TCF12: variants seen among roughly 807,000 people sequenced by gnomAD.
TCF12 encodes the protein transcription factor 12, also known as DNA-binding protein HTF4.
Under a neutral mutation model 86.0 loss-of-function variants are expected in TCF12, and 45 were observed. The ratio of observed to expected loss-of-function variants is 0.52; its 90% CI spans 0.41 to 0.67. The LOEUF (loss-of-function observed/expected upper bound fraction) is 0.67, where lower values mean the gene tolerates loss of function less well. Ranked by LOEUF, TCF12 falls within the 30% of genes least tolerant of loss-of-function variation. TCF12 has a pLI of 0.00. For synonymous variants in TCF12, 330 were observed against 299.6 expected (o/e 1.10, Z -1.05); for missense variants, 881 against 859.9 (o/e 1.02, Z -0.31).
intron 3 of TCF12, among the ~76,000 whole-genome samples, chr15:57,045,381 G>A (rs946005042): frequency 6.6e-6 from 1 of 152,196 alleles, no homozygotes; most frequent in Non-Finnish European, 1.5e-5. Context: ...TAGGAAAAGA[G>A]TTGATTTGTG....
intron 5 of TCF12, among the ~76,000 whole-genome samples, chr15:57,114,105 T>TC (rs2151250194): frequency 6.6e-6 from 1 of 152,320 alleles, no homozygotes; most frequent in Non-Finnish European, 1.5e-5. Context: ...AACAACTAAT[T>TC]TTTTGTGATC....
intron 3 of TCF12, among the ~76,000 whole-genome samples, chr15:56,973,449 G>A (rs776762187): frequency 9.9e-5 from 15 of 152,058 alleles, no homozygotes; most frequent in Non-Finnish European, 2.2e-4. Flanking sequence ...AATAATAATA[G>A]TGATGGCTTA....
At chr15:56,984,772 T>C (rs1407553755) in intron 3 of TCF12, among the ~76,000 whole-genome samples, 8 of 152,066 alleles carry the variant, frequency 5.3e-5, no homozygotes, top group African/African-American at 1.7e-4. Flanking sequence ...GGTAAGCAGT[T>C]TAGGTAATGG....
At chr15:57,165,771 C>T (rs1437233769) in intron 5 of TCF12, among the ~76,000 whole-genome samples, 3 of 151,986 alleles carry the variant, frequency 2.0e-5, no homozygotes, top group Non-Finnish European at 2.9e-5. Flanking sequence ...CTCCTTACCT[C>T]GTGATCCGCC....
chr15:57,072,689 C>A, intron 4 of TCF12: 1 of 1,307,658 alleles, frequency 7.6e-7, no homozygotes, highest in Non-Finnish European at 1.0e-6. Flanking sequence ...AATAGCAAAG[C>A]AAGACAGAAG....
At chr15:57,021,356 G>A (rs974113150) in intron 3 of TCF12, among the ~76,000 whole-genome samples, 9 of 152,174 alleles carry the variant, frequency 5.9e-5, no homozygotes, top group African/African-American at 1.7e-4. Context: ...CTAGTGATGG[G>A]ACAGAAAACA....
chr15:56,994,976 T>C (rs757411061), intron 3 of TCF12, among the ~76,000 whole-genome samples: 6 of 152,114 alleles, frequency 3.9e-5, no homozygotes, highest in African/African-American at 9.6e-5. Flanking sequence ...GGAAAAGTTA[T>C]AACATTATCT....
chr15:57,156,482 T>A (rs140189192), intron 5 of TCF12, among the ~76,000 whole-genome samples: 1 of 152,372 alleles, frequency 6.6e-6, no homozygotes, highest in Non-Finnish European at 1.5e-5. Context: ...ACCAAATAGT[T>A]GATGAATGGT....
intron 3 of TCF12, among the ~76,000 whole-genome samples, chr15:56,951,108 T>C (rs546047677): frequency 1.3e-5 from 2 of 152,328 alleles, no homozygotes; most frequent in South Asian, 4.1e-4. Context: ...ATGGTAGATA[T>C]ATCTTCAACT....
chr15:57,128,714 T>G (rs2051868035), intron 5 of TCF12, among the ~76,000 whole-genome samples: 1 of 152,190 alleles, frequency 6.6e-6, no homozygotes, highest in Non-Finnish European at 1.5e-5. Flanking sequence ...ACCCATCTCC[T>G]AGCAACAGTT....
At chr15:57,258,693 A>G (rs906522602) in intron 16 of TCF12, among the ~76,000 whole-genome samples, 4 of 152,186 alleles carry the variant, frequency 2.6e-5, no homozygotes, top group Admixed American at 1.3e-4. Flanking sequence ...AAGAAGTGAC[A>G]TATTCTTGTA....
chr15:56,991,014 T>G (rs1014244809), intron 3 of TCF12, among the ~76,000 whole-genome samples: 1 of 152,070 alleles, frequency 6.6e-6, no homozygotes, highest in South Asian at 2.1e-4. Flanking sequence ...CAGGCTGCTG[T>G]CAAACTCCTG....
At chr15:56,918,491 G>T, upstream of TCF12, 1 of 317,022 alleles carries the variant, frequency 3.2e-6, no homozygotes, top group South Asian at 2.2e-5. Flanking sequence ...TCACCCGACC[G>T]CGGGCTTTGT....
At chr15:57,240,879 CAAAAAAAAAA>C (rs68154303) in intron 12 of TCF12, among the ~76,000 whole-genome samples, 9 of 65,684 alleles carry the variant, frequency 1.4e-4, no homozygotes, top group African/African-American at 2.7e-4. Context: ...GACCCTGTCT[CAAAAAAAAAA>C]AAAAAAAAAA....
At chr15:56,921,994 C>T (rs1365472462) in intron 3 of TCF12, among the ~76,000 whole-genome samples, 2 of 151,798 alleles carry the variant, frequency 1.3e-5, no homozygotes, top group African/African-American at 4.8e-5. Flanking sequence ...GAAATGAAGG[C>T]ATTTTTTGGA....
At chr15:57,219,259 T>G in intron 8 of TCF12, 1 of 1,172,784 alleles carries the variant, frequency 8.5e-7, no homozygotes, top group Non-Finnish European at 1.1e-6. Flanking sequence ...TGACTTGCAT[T>G]TTTTTAATAC....
chr15:57,067,278 C>T (rs1326323186), intron 4 of TCF12, among the ~76,000 whole-genome samples: 3 of 152,108 alleles, frequency 2.0e-5, no homozygotes, highest in Non-Finnish European at 2.9e-5. Context: ...CGGTGGCTCA[C>T]GCCTGTAATC....
intron 3 of TCF12, among the ~76,000 whole-genome samples, chr15:57,014,476 G>T (rs2065029601): frequency 6.6e-6 from 1 of 152,136 alleles, no homozygotes; most frequent in African/African-American, 2.4e-5. Flanking sequence ...TTAGTAAGCA[G>T]TTTGGTCCCT....
intron 3 of TCF12, among the ~76,000 whole-genome samples, chr15:56,940,626 C>T (rs1170074213): frequency 6.7e-6 from 1 of 149,382 alleles, no homozygotes; most frequent in Non-Finnish European, 1.5e-5. Context: ...CCCTCTCCTC[C>T]TTCTCCCTCT....
Sources: gnomAD v4.1 joint callset for allele counts (sites outside exome capture counted in the v4.1 genomes callset) on GRCh38, gnomAD v4.1.1 for gene constraint, MANE v1.5 for transcripts, NCBI Gene and HGNC (gene_info 2026-07-23, HGNC 2026-07-21) for gene names.